Variants in TBC1D5 observed in about 807,000 individuals in gnomAD.
TBC1D5 encodes TBC1 domain family, member 5.
A neutral mutation model predicts 100.3 loss-of-function variants in TBC1D5; 75 were observed. That is an observed-to-expected ratio of 0.75 (90% confidence interval 0.62 to 0.91). The LOEUF (loss-of-function observed/expected upper bound fraction) is 0.91. Ranked by LOEUF, TBC1D5 falls within the 40% of genes least tolerant of loss-of-function variation. TBC1D5 has a pLI of 0.00. For missense variants in TBC1D5, 910 were observed against 942.4 expected (o/e 0.97, Z 0.45); for synonymous variants, 323 against 325.6 (o/e 0.99, Z 0.09).
chr3:17,188,175 G>A (rs752972499), intron 18 of TBC1D5, among the ~76,000 whole-genome samples: 14 of 152,168 alleles, frequency 9.2e-5, no homozygotes, highest in Non-Finnish European at 2.1e-4. Flanking sequence ...TAAAGACTGC[G>A]ATGAGACTGG....
At chr3:17,229,717 C>T (rs1257666558) in intron 17 of TBC1D5, among the ~76,000 whole-genome samples, 1 of 152,134 alleles carries the variant, frequency 6.6e-6, no homozygotes, top group Non-Finnish European at 1.5e-5. Flanking sequence ...CCCAGGTCAT[C>T]CAGCAAGGCA....
chr3:17,341,475 C>G (rs1381725194), intron 13 of TBC1D5, among the ~76,000 whole-genome samples: 1 of 152,128 alleles, frequency 6.6e-6, no homozygotes, highest in African/African-American at 2.4e-5. Context: ...GGATTACAGG[C>G]GTGAGGTACC....
At chr3:17,254,150 A>G (rs369988219) in intron 16 of TBC1D5, among the ~76,000 whole-genome samples, 16 of 152,222 alleles carry the variant, frequency 1.1e-4, no homozygotes, top group African/African-American at 3.9e-4. Flanking sequence ...GGTATTATGA[A>G]TAAGGCTGCT....
At chr3:17,693,749 T>C (rs1463647224) in intron 1 of TBC1D5, among the ~76,000 whole-genome samples, 1 of 152,194 alleles carries the variant, frequency 6.6e-6, no homozygotes, top group Non-Finnish European at 1.5e-5. Context: ...ACACAGCGTT[T>C]GAGCTCTGAG....
intron 18 of TBC1D5, among the ~76,000 whole-genome samples, chr3:17,203,041 T>C (rs2071673872): frequency 6.6e-6 from 1 of 151,848 alleles, no homozygotes; most frequent in Admixed American, 6.5e-5. Context: ...GCTTGTACTG[T>C]GTGCCTGGAA....
rs140192863 is a variant in TBC1D5 at position 17,547,942 on chromosome 3, A to G, written c.-35-39337T>C. Among the ~76,000 whole-genome samples the G allele has an allele frequency of 2.0e-5, 3 of 152,304 alleles. No homozygotes were observed. The East Asian group carries it at 5.8e-4, about 29-fold the overall frequency. ...TACTTCTTTTAAATTTTATAAAACA[A>G]TGATTAAAATGTAAGTTGGCTAAGA... On this transcript the variant is annotated intron_variant, in intron 2 of 21. Coordinates refer to ENST00000253692, the Ensembl canonical transcript of TBC1D5.
chr3:17,424,550 A>G (rs2094293678), intron 4 of TBC1D5, among the ~76,000 whole-genome samples: 1 of 152,220 alleles, frequency 6.6e-6, no homozygotes, highest in Non-Finnish European at 1.5e-5. Context: ...CACAAAACCA[A>G]CAATGTCTTC....
chr3:17,371,074 CACACACA>C (rs974743136), intron 13 of TBC1D5, among the ~76,000 whole-genome samples: 2 of 143,088 alleles, frequency 1.4e-5, no homozygotes, highest in African/African-American at 6.0e-5. Context: ...AAAATACACA[CACACACA>C]CACACACACA....
chr3:17,521,575 T>C (rs975597189), intron 2 of TBC1D5, among the ~76,000 whole-genome samples: 16 of 152,142 alleles, frequency 1.1e-4, no homozygotes, highest in African/African-American at 3.9e-4. Context: ...TTTGACTGCA[T>C]AGGGGTCAGT....
intron 2 of TBC1D5, among the ~76,000 whole-genome samples, chr3:17,612,225 C>A (rs376304198): frequency 1.3e-5 from 2 of 148,744 alleles, no homozygotes; most frequent in African/African-American, 5.0e-5. Context: ...ACTTGAGCCC[C>A]AGGGGTCTAG....
chr3:17,543,565 G>A (rs1377439947), intron 2 of TBC1D5, among the ~76,000 whole-genome samples: 34 of 152,148 alleles, frequency 2.2e-4, no homozygotes, highest in Admixed American at 2.2e-3. Context: ...TTGAGCCCAG[G>A]AGGTTGAGGC....
chr3:17,507,156 C>G (rs537851067), intron 3 of TBC1D5, among the ~76,000 whole-genome samples: 2 of 152,186 alleles, frequency 1.3e-5, no homozygotes, highest in Non-Finnish European at 2.9e-5. Context: ...CATCCACTTA[C>G]AGAAGTACTT....
At chr3:17,164,415 T>A (rs887489970) in intron 21 of TBC1D5, among the ~76,000 whole-genome samples, 3 of 152,208 alleles carry the variant, frequency 2.0e-5, no homozygotes, top group African/African-American at 7.2e-5. Flanking sequence ...ACCCAACATG[T>A]GGTGCTTACA....
intron 1 of TBC1D5, among the ~76,000 whole-genome samples, chr3:17,646,693 G>T: frequency 6.6e-6 from 1 of 152,116 alleles, no homozygotes; most frequent in Non-Finnish European, 1.5e-5. Flanking sequence ...CCCTTAGCAA[G>T]CGGACTGTTT....
intron 2 of TBC1D5, among the ~76,000 whole-genome samples, chr3:17,596,027 T>A (rs2060540204): frequency 6.6e-6 from 1 of 152,204 alleles, no homozygotes; most frequent in South Asian, 2.1e-4. Flanking sequence ...ACAGATCTCA[T>A]TGTTCTAAGG....
intron 3 of TBC1D5, among the ~76,000 whole-genome samples, chr3:17,475,872 T>C (rs1382664505): frequency 1.3e-5 from 2 of 152,074 alleles, no homozygotes; most frequent in Non-Finnish European, 2.9e-5. Context: ...CTTTAACTCC[T>C]ATCAGCAACG....
chr3:17,447,842 G>A (rs2094835385), intron 3 of TBC1D5, among the ~76,000 whole-genome samples: 1 of 152,106 alleles, frequency 6.6e-6, no homozygotes, highest in African/African-American at 2.4e-5. Flanking sequence ...ACAGGATCTT[G>A]TGTACATTTG....
chr3:17,512,182 A>T (rs1429407582), intron 2 of TBC1D5, among the ~76,000 whole-genome samples: 1 of 152,080 alleles, frequency 6.6e-6, no homozygotes, highest in Non-Finnish European at 1.5e-5. Context: ...TTTCATAAAC[A>T]TTCCAGTAAG....
intron 2 of TBC1D5, among the ~76,000 whole-genome samples, chr3:17,543,322 T>G (rs772446718): frequency 8.5e-5 from 13 of 152,150 alleles, no homozygotes; most frequent in Non-Finnish European, 1.6e-4. Context: ...GATCAAGTAT[T>G]ATAACCAAAA....
Sources: gnomAD v4.1 joint callset for allele counts (sites outside exome capture counted in the v4.1 genomes callset) on GRCh38, gnomAD v4.1.1 for gene constraint, MANE v1.5 for transcripts, NCBI Gene and HGNC (gene_info 2026-07-23, HGNC 2026-07-21) for gene names.